LOC400499: variants seen among roughly 807,000 people sequenced by gnomAD.
At chr16:11,384,207 C>T in the LOC400499 span, 2 of 1,230,836 alleles carry the variant, frequency 1.6e-6, no homozygotes, top group African/African-American at 1.5e-5. Flanking sequence ...GGCAGGTGCA[C>T]CCGCTCACCT....
the LOC400499 span, among the ~76,000 whole-genome samples, chr16:11,511,564 C>T: frequency 3.9e-5 from 6 of 152,228 alleles, no homozygotes; most frequent in South Asian, 2.1e-4. Context: ...CCTTAAACAC[C>T]GTGCTGAGTG....
the LOC400499 span, among the ~76,000 whole-genome samples, chr16:11,397,730 A>C: frequency 8.2e-6 from 1 of 121,546 alleles, no homozygotes; most frequent in Non-Finnish European, 1.6e-5. Flanking sequence ...GAAGAGTATG[A>C]GTCCTTGGGA....
At chr16:11,407,825 C>T in the LOC400499 span, among the ~76,000 whole-genome samples, 14 of 152,106 alleles carry the variant, frequency 9.2e-5, no homozygotes, top group African/African-American at 3.1e-4. Flanking sequence ...TTACGGGTTG[C>T]TGCGAAAATT....
At chr16:11,435,896 G>C in the LOC400499 span, 9 of 399,292 alleles carry the variant, frequency 2.3e-5, no homozygotes, top group Non-Finnish European at 4.0e-5. Flanking sequence ...GGAGGCAGGG[G>C]AGGGACAGGA....
the LOC400499 span, among the ~76,000 whole-genome samples, chr16:11,451,469 C>G: frequency 2.0e-5 from 3 of 152,032 alleles, no homozygotes; most frequent in East Asian, 5.8e-4. Flanking sequence ...ATCCCAGCTA[C>G]TTGGGAGGCT....
chr16:11,420,460 G>A, the LOC400499 span, among the ~76,000 whole-genome samples: 1 of 124,232 alleles, frequency 8.0e-6, no homozygotes, highest in Non-Finnish European at 1.7e-5. Context: ...GGGGGGAGGG[G>A]GGAGGGATAG....
chr16:11,460,871 C>T, the LOC400499 span: 1 of 1,406,880 alleles, frequency 7.1e-7, no homozygotes, highest in South Asian at 1.5e-5. Context: ...CCCGTGGTGA[C>T]AGCGTATCTC....
the LOC400499 span, among the ~76,000 whole-genome samples, chr16:11,414,187 G>A: frequency 1.3e-5 from 2 of 152,242 alleles, no homozygotes; most frequent in African/African-American, 2.4e-5. Flanking sequence ...TGGTTATAGC[G>A]ATTATGAATG....
the LOC400499 span, chr16:11,392,645 G>T: frequency 1.6e-6 from 1 of 614,334 alleles, no homozygotes; most frequent in Non-Finnish European, 2.4e-6. Flanking sequence ...ACCACCTAGA[G>T]CAACCACCTG....
the LOC400499 span, among the ~76,000 whole-genome samples, chr16:11,517,674 G>A: frequency 6.6e-6 from 1 of 152,302 alleles, no homozygotes; most frequent in South Asian, 2.1e-4. Context: ...ATATCACACA[G>A]CAAGTCAGGG....
the LOC400499 span, among the ~76,000 whole-genome samples, chr16:11,513,638 C>T: frequency 1.3e-5 from 2 of 151,926 alleles, no homozygotes; most frequent in Non-Finnish European, 2.9e-5. Flanking sequence ...TCCATGTTGG[C>T]CAGGCTGGTC....
chr16:11,419,906 A>G, the LOC400499 span, among the ~76,000 whole-genome samples: 2 of 151,412 alleles, frequency 1.3e-5, no homozygotes, highest in Non-Finnish European at 1.5e-5. Flanking sequence ...ACCATCTCAC[A>G]CCAGTTAGAA....
the LOC400499 span, among the ~76,000 whole-genome samples, chr16:11,379,486 C>A: frequency 1.3e-5 from 2 of 152,212 alleles, no homozygotes; most frequent in Non-Finnish European, 2.9e-5. Context: ...TATCTTATTT[C>A]ATCCTTTCAC....
chr16:11,400,832 G>A, the LOC400499 span, among the ~76,000 whole-genome samples: 2 of 152,014 alleles, frequency 1.3e-5, no homozygotes, highest in African/African-American at 2.4e-5. Context: ...TCTTTTGCCT[G>A]CACACAGCTG....
the LOC400499 span, among the ~76,000 whole-genome samples, chr16:11,433,965 A>G: frequency 6.6e-6 from 1 of 152,328 alleles, no homozygotes; most frequent in Non-Finnish European, 1.5e-5. Flanking sequence ...ATTTTCGCGA[A>G]TGATCAGACA....
At chr16:11,437,624 T>C in the LOC400499 span, among the ~76,000 whole-genome samples, 2 of 151,976 alleles carry the variant, frequency 1.3e-5, no homozygotes, top group Admixed American at 6.6e-5. Flanking sequence ...TCCCAGAACT[T>C]TGGAAGGCTG....
chr16:11,496,906 GTGTGTGTGT>G, the LOC400499 span, among the ~76,000 whole-genome samples: 1 of 146,546 alleles, frequency 6.8e-6, no homozygotes, highest in African/African-American at 2.7e-5. Context: ...GTGTGTGTGT[GTGTGTGTGT>G]GTGTGTGTGT....
the LOC400499 span, chr16:11,461,146 A>G: frequency 2.0e-6 from 3 of 1,522,550 alleles, no homozygotes; most frequent in Non-Finnish European, 2.6e-6. Flanking sequence ...CAGGCAGATG[A>G]GAGGGTCAGC....
the LOC400499 span, among the ~76,000 whole-genome samples, chr16:11,498,668 G>C: frequency 1.3e-5 from 2 of 151,310 alleles, no homozygotes; most frequent in African/African-American, 4.9e-5. Flanking sequence ...TTGCTGACTC[G>C]ATGACAGAAC....
Sources: gnomAD v4.1 joint callset for allele counts (sites outside exome capture counted in the v4.1 genomes callset) on GRCh38, gnomAD v4.1.1 for gene constraint, MANE v1.5 for transcripts.